The following TRPS1 variants were observed in gnomAD, a reference collection of about 807,000 sequenced individuals.
TRPS1 encodes zinc finger transcription factor Trps1.
Under a neutral mutation model 101.2 loss-of-function variants are expected in TRPS1, and 6 were observed. That is an observed-to-expected ratio of 0.06 (90% CI 0.03 to 0.12). The LOEUF is 0.12. Ranked by LOEUF, TRPS1 falls within the 10% of genes least tolerant of loss-of-function variation. TRPS1 has a pLI of 1.00. For missense variants in TRPS1, 1,363 were observed against 1,567.0 expected, an observed-to-expected ratio of 0.87 and a Z score of 2.20; for synonymous variants, 578 against 589.8, an observed-to-expected ratio of 0.98 and a Z score of 0.29.
At chr8:115,578,185 T>C (rs1817364457) in intron 5 of TRPS1, among the ~76,000 whole-genome samples, 1 of 152,200 alleles carries the variant, frequency 6.6e-6, no homozygotes, top group Non-Finnish European at 1.5e-5. Flanking sequence ...GCCACTTGCT[T>C]TTCTCCTAAT....
At chr8:115,415,344 A>G (rs1812893386) in intron 6 of TRPS1, among the ~76,000 whole-genome samples, 1 of 152,178 alleles carries the variant, frequency 6.6e-6, no homozygotes, top group Non-Finnish European at 1.5e-5. Flanking sequence ...TAACCTTTCC[A>G]GATGCAACAG....
chr8:115,570,761 C>CA (rs1817185201), intron 5 of TRPS1, among the ~76,000 whole-genome samples: 1 of 151,804 alleles, frequency 6.6e-6, no homozygotes, highest in African/African-American at 2.4e-5. Context: ...CAGGGAGTAT[C>CA]ACAGAAACCC....
At chr8:115,437,634 G>T (rs1010844424) in intron 5 of TRPS1, among the ~76,000 whole-genome samples, 1 of 152,110 alleles carries the variant, frequency 6.6e-6, no homozygotes, top group African/African-American at 2.4e-5. Flanking sequence ...TTCTAGAAAG[G>T]CTGAATGTCT....
chr8:115,655,061 C>G (rs1386359522), intron 1 of TRPS1, among the ~76,000 whole-genome samples: 1 of 152,136 alleles, frequency 6.6e-6, no homozygotes, highest in Non-Finnish European at 1.5e-5. Context: ...AGTTCTAGTT[C>G]AGTCCTTTAA....
intron 5 of TRPS1, among the ~76,000 whole-genome samples, chr8:115,535,597 C>T (rs1387448930): frequency 6.7e-6 from 1 of 150,312 alleles, no homozygotes; most frequent in Non-Finnish European, 1.5e-5. Flanking sequence ...TGCGGTGGCT[C>T]ACCCCTGTAA....
intron 5 of TRPS1, among the ~76,000 whole-genome samples, chr8:115,563,091 G>C (rs140902101): frequency 6.6e-6 from 1 of 151,932 alleles, no homozygotes; most frequent in Non-Finnish European, 1.5e-5. Context: ...CTTGTCTTCT[G>C]TACTGACACA....
chr8:115,425,369 G>A (rs1335163539), intron 5 of TRPS1, among the ~76,000 whole-genome samples: 1 of 152,166 alleles, frequency 6.6e-6, no homozygotes, highest in Non-Finnish European at 1.5e-5. Context: ...AACAAAACCT[G>A]TTTACCCTGC....
At chr8:115,460,964 G>C (rs903458130) in intron 5 of TRPS1, among the ~76,000 whole-genome samples, 15 of 152,138 alleles carry the variant, frequency 9.9e-5, no homozygotes, top group African/African-American at 3.6e-4. Context: ...TATAGCTACA[G>C]AAGTATTTAC....
intron 5 of TRPS1, among the ~76,000 whole-genome samples, chr8:115,542,611 C>T (rs572100295): frequency 1.4e-4 from 22 of 151,964 alleles, no homozygotes; most frequent in Non-Finnish European, 2.9e-5. Context: ...AGGATTTAGG[C>T]GCCGGCCACT....
intron 5 of TRPS1, among the ~76,000 whole-genome samples, chr8:115,447,866 G>T (rs747331566): frequency 1.3e-5 from 2 of 152,038 alleles, no homozygotes; most frequent in Admixed American, 6.6e-5. Context: ...CATAACTGTT[G>T]TGAAAGTTAA....
chr8:115,599,135 T>C (rs1252335117), intron 4 of TRPS1, among the ~76,000 whole-genome samples: 2 of 152,182 alleles, frequency 1.3e-5, no homozygotes, highest in African/African-American at 4.8e-5. Flanking sequence ...ATATTCCATA[T>C]CTTACTAAAT....
intron 5 of TRPS1, among the ~76,000 whole-genome samples, chr8:115,462,336 T>C (rs1425695108): frequency 1.3e-5 from 2 of 152,136 alleles, no homozygotes; most frequent in Non-Finnish European, 1.5e-5. Flanking sequence ...TGAGAATTTA[T>C]AGTGTAGCGA....
intron 1 of TRPS1, among the ~76,000 whole-genome samples, chr8:115,665,273 T>G (rs1811894480): frequency 6.6e-6 from 1 of 152,166 alleles, no homozygotes; most frequent in South Asian, 2.1e-4. Context: ...AGACAAGCGT[T>G]TATAAAAATC....
intron 4 of TRPS1, among the ~76,000 whole-genome samples, chr8:115,593,162 A>G (rs1424154912): frequency 6.6e-6 from 1 of 152,160 alleles, no homozygotes; most frequent in Admixed American, 6.5e-5. Context: ...ATAGTTTTTA[A>G]GTCACATACA....
chr8:115,419,147 G>C (rs367863204), intron 5 of TRPS1, among the ~76,000 whole-genome samples: 6 of 152,266 alleles, frequency 3.9e-5, no homozygotes, highest in East Asian at 1.9e-4. Flanking sequence ...ATTTGACTTA[G>C]ACTTGGAAAT....
chr8:115,475,128 A>G (rs1030153143), intron 5 of TRPS1, among the ~76,000 whole-genome samples: 2 of 151,886 alleles, frequency 1.3e-5, no homozygotes, highest in African/African-American at 4.8e-5. Context: ...AGAATGCCAT[A>G]GCAAAAGTCA....
chr8:115,584,225 G>T (rs1817515784), intron 5 of TRPS1, among the ~76,000 whole-genome samples: 2 of 151,832 alleles, frequency 1.3e-5, no homozygotes, highest in Non-Finnish European at 2.9e-5. Context: ...ATATCACTCT[G>T]TATAGTATTT....
chr8:115,596,548 TAG>T (rs1817788506), intron 4 of TRPS1, among the ~76,000 whole-genome samples: 1 of 151,804 alleles, frequency 6.6e-6, no homozygotes, highest in African/African-American at 2.4e-5. Context: ...TATGCGTGTG[TAG>T]AGAGGAAGAG....
In TRPS1 at chr8:115,415,219, C is replaced by G. The variant is rs1017695498; in HGVS notation, c.2824-135G>C. 8 of 967,166 alleles carry G rather than the reference C, an allele frequency of 8.3e-6. No homozygotes were observed. The African/African-American group carries it at 1.2e-4, about 14-fold the overall frequency. 59.9% of individuals were successfully genotyped at this position (967,166 alleles called of 1,614,324 possible). A position where few individuals can be genotyped will look rare whatever the true frequency, so the allele number is the denominator to read the frequency against. On this transcript the variant is annotated intron_variant, in intron 6 of 6. Coordinates refer to ENST00000395715, the MANE Select transcript of TRPS1 (RefSeq NM_014112.5). ...GCTTTCTGCTGTAGATTTACTAAATCTCCTCCTTTTGCCCTAAGCAGGATC... is the reference window on the plus strand; with the variant it reads ...GCTTTCTGCTGTAGATTTACTAAATGTCCTCCTTTTGCCCTAAGCAGGATC...
Sources: allele counts gnomAD v4.1 joint callset (sites outside exome capture counted in the v4.1 genomes callset), GRCh38; gene constraint gnomAD v4.1.1; transcripts MANE v1.5; gene names NCBI Gene and HGNC (gene_info 2026-07-23, HGNC 2026-07-21).